TAF1: variants seen among roughly 807,000 people sequenced by gnomAD.
TAF1 encodes the protein transcription initiation factor TFIID subunit 1.
A neutral mutation model predicts 138.5 loss-of-function variants in TAF1; 2 were observed. The ratio of observed to expected loss-of-function variants is 0.01; its 90% CI spans 0.01 to 0.05. The LOEUF (loss-of-function observed/expected upper bound fraction) is 0.05. Among genes scored for constraint, TAF1 ranks in the 10% least tolerant of loss-of-function variants. TAF1 has a pLI of 1.00. For synonymous variants in TAF1, 437 were observed against 503.2 expected, an observed-to-expected ratio of 0.87 and a Z score of 1.76; for missense variants, 709 against 1,478.0, an observed-to-expected ratio of 0.48 and a Z score of 8.53.
exon 15 of TAF1, chrX:71,529,908 G>A: frequency 8.4e-6 from 2 of 237,942 alleles, no homozygotes; most frequent in South Asian, 9.4e-5. Context: ...AAAGACTGTT[G>A]GTGCTGAGAG....
chrX:71,459,473 G>T, intron 35 of TAF1, 79 bp from the exon 36 acceptor site: 3 of 1,153,393 alleles, frequency 2.6e-6, no homozygotes, highest in Non-Finnish European at 3.5e-6. Context: ...GGCGGGGAGG[G>T]GGGGTGTGCC....
chrX:71,429,163 T>G (rs1485117919), intron 32 of TAF1, among the ~76,000 whole-genome samples: 3 of 110,062 alleles, frequency 2.7e-5, no homozygotes, highest in Non-Finnish European at 5.7e-5. Context: ...TAGTCCCAGC[T>G]ACTCGGGAGG....
chrX:71,436,214 A>ATT (rs749919538), intron 32 of TAF1, among the ~76,000 whole-genome samples: 1,874 of 84,258 alleles, frequency 0.022, 113 homozygotes, highest in African/African-American at 0.083. Flanking sequence ...AGCCCGGCTA[A>ATT]TTTTTTTTTT....
At chrX:71,420,044 C>T in intron 28 of TAF1, 4 of 304,281 alleles carry the variant, frequency 1.3e-5, no homozygotes, top group Non-Finnish European at 2.4e-5. Flanking sequence ...CCCCTTCTGT[C>T]CTCTTTTTTT....
intron 32 of TAF1, among the ~76,000 whole-genome samples, chrX:71,440,151 C>G (rs1282146395): frequency 9.0e-6 from 1 of 111,471 alleles, no homozygotes; most frequent in Non-Finnish European, 1.9e-5. Context: ...TTCTCCATCT[C>G]TATAGTTTTG....
At chrX:71,384,208 A>G (rs781040257) in intron 13 of TAF1, 73 bp downstream of exon 13, 2 of 1,114,165 alleles carry the variant, frequency 1.8e-6, no homozygotes, top group Admixed American at 2.6e-5. Flanking sequence ...TTATGTACAA[A>G]CTTTTTGTTA....
chrX:71,506,688 C>T (rs915421015), intron 13 of TAF1, among the ~76,000 whole-genome samples: 7 of 103,061 alleles, frequency 6.8e-5, no homozygotes, highest in African/African-American at 3.6e-5. Flanking sequence ...GGCAACAGAG[C>T]GAGACCCTGT....
intron 15 of TAF1, among the ~76,000 whole-genome samples, chrX:71,387,868 G>A (rs1054705242): frequency 1.4e-4 from 15 of 110,397 alleles, no homozygotes; most frequent in Non-Finnish European, 5.7e-5. Context: ...AGGAGGCGGA[G>A]GTTGCAGTGA....
At chrX:71,450,672 C>A (rs2037916710) in intron 32 of TAF1, among the ~76,000 whole-genome samples, 1 of 112,184 alleles carries the variant, frequency 8.9e-6, no homozygotes, top group Non-Finnish European at 1.9e-5. Context: ...TATTTGTTTA[C>A]AGTCTATTTC....
chrX:71,366,455 T>C lies in TAF1; in HGVS notation c.81T>C (p.Asn27=). Residue 27 remains asparagine (N), a synonymous_variant, in exon 1 of 38, where the codon AAT becomes AAC. Coordinates refer to ENST00000423759, the MANE Select transcript of TAF1 (RefSeq NM_004606.5). ...SLAGFLFGNI[N]GAGQLEGESV... is the part of the protein sequence containing the mutation. ...CGGGTTTCCTTTTCGGCAACATCAATGGAGCCGGGCAGCTGGAGGGGGAAA... is the reference window on the plus strand; with the variant it reads ...CGGGTTTCCTTTTCGGCAACATCAACGGAGCCGGGCAGCTGGAGGGGGAAA... 5 of 994,396 alleles carry C rather than the reference T, an allele frequency of 5.0e-6. No individual in the cohort carries two copies. The highest frequency in any genetic ancestry group is 6.5e-6 in the Non-Finnish European group (5 of 770,991). The allele number at this position is 994,396 out of a possible 1,213,427, so 81.9% of individuals were successfully genotyped here. A position where few individuals can be genotyped will look rare whatever the true frequency, so the allele number is the denominator to read the frequency against.
intron 28 of TAF1, among the ~76,000 whole-genome samples, chrX:71,418,027 A>G (rs1270357380): frequency 8.9e-6 from 1 of 112,316 alleles, no homozygotes; most frequent in Non-Finnish European, 1.9e-5. Context: ...TACTTAAAGC[A>G]TTTATACTCT....
At chrX:71,382,329 G>C (rs1221822464) in intron 9 of TAF1, among the ~76,000 whole-genome samples, 5 of 108,775 alleles carry the variant, frequency 4.6e-5, no homozygotes, top group Admixed American at 2.0e-4. Context: ...TGTACTAGAA[G>C]TGATTTGGGA....
At chrX:71,477,858 G>A (rs753566807) in intron 13 of TAF1, among the ~76,000 whole-genome samples, 1 of 109,423 alleles carries the variant, frequency 9.1e-6, no homozygotes, top group Non-Finnish European at 1.9e-5. Flanking sequence ...GCTGGGCATG[G>A]TAGCACATAC....
intron 13 of TAF1, among the ~76,000 whole-genome samples, chrX:71,502,727 C>T (rs190715311): frequency 1.6e-3 from 184 of 111,594 alleles, no homozygotes; most frequent in African/African-American, 5.6e-3. Context: ...CTCCTGCGGC[C>T]AGGAGTTCAA....
chrX:71,398,382 AT>A (rs2034975638), intron 23 of TAF1, among the ~76,000 whole-genome samples, 189 bp from the exon 24 acceptor site: 1 of 110,962 alleles, frequency 9.0e-6, no homozygotes, highest in South Asian at 3.8e-4. Context: ...CTCAGGACTT[AT>A]TCTAAGAGAG....
At chrX:71,428,389 T>A (rs2036706182) in intron 32 of TAF1, among the ~76,000 whole-genome samples, 1 of 111,730 alleles carries the variant, frequency 9.0e-6, no homozygotes, top group Admixed American at 9.6e-5. Context: ...GAGACTAAAA[T>A]AAATTGTTGA....
chrX:71,377,247 A>G, intron 5 of TAF1, 56 bp downstream of exon 5: 1 of 1,193,024 alleles, frequency 8.4e-7, no homozygotes, highest in Non-Finnish European at 1.1e-6. Flanking sequence ...CCAAATAATG[A>G]GTTTTGTTGT....
intron 28 of TAF1, among the ~76,000 whole-genome samples, chrX:71,418,761 A>ATTTTTTATTTTTTTTT (rs2036164932): frequency 1.4e-5 from 1 of 70,673 alleles, no homozygotes; most frequent in Admixed American, 1.7e-4. Context: ...CAGTATGGAG[A>ATTTTTTATTTTTTTTT]TTTTTTTTTT....
chrX:71,386,853 G>A (rs1454347284), intron 14 of TAF1, among the ~76,000 whole-genome samples: 1 of 113,169 alleles, frequency 8.8e-6, no homozygotes, highest in African/African-American at 3.2e-5. Context: ...GTCTAGGGTA[G>A]TAGTATAGTA....
Sources: allele counts gnomAD v4.1 joint callset (sites outside exome capture counted in the v4.1 genomes callset), GRCh38; gene constraint gnomAD v4.1.1; transcripts MANE v1.5; gene names NCBI Gene and HGNC (gene_info 2026-07-23, HGNC 2026-07-21).